Variants in EEPD1 observed in about 807,000 individuals in gnomAD.
The protein encoded by EEPD1 is endonuclease/exonuclease/phosphatase family domain-containing protein 1.
Under a neutral mutation model 46.3 loss-of-function variants are expected in EEPD1, and 17 were observed. The observed-to-expected ratio is 0.37, with a 90% CI of 0.25 to 0.55. EEPD1 has a LOEUF of 0.55. Ranked by LOEUF, EEPD1 falls within the 20% of genes least tolerant of loss-of-function variation. The pLI is 0.83. For missense variants in EEPD1, 673 were observed against 745.6 expected, an observed-to-expected ratio of 0.90 and a Z score of 1.13; for synonymous variants, 313 against 315.6, an observed-to-expected ratio of 0.99 and a Z score of 0.09.
chr7:36,252,399 T>C (rs1786763463), intron 3 of EEPD1, among the ~76,000 whole-genome samples: 1 of 152,210 alleles, frequency 6.6e-6, no homozygotes, highest in Non-Finnish European at 1.5e-5. Context: ...AGAGTTTTGC[T>C]GGCCTGTCAT....
chr7:36,218,566 A>T (rs1786075024), intron 2 of EEPD1, among the ~76,000 whole-genome samples: 1 of 152,176 alleles, frequency 6.6e-6, no homozygotes, highest in Non-Finnish European at 1.5e-5. Flanking sequence ...GCAGATGAAG[A>T]CGCTGAGCAA....
At chr7:36,188,100 C>T (rs1311832084) in intron 2 of EEPD1, among the ~76,000 whole-genome samples, 1 of 152,078 alleles carries the variant, frequency 6.6e-6, no homozygotes, top group African/African-American at 2.4e-5. Flanking sequence ...CTGGCCTGTG[C>T]TGGTATTTTT....
Position 36,223,153 on chromosome 7 carries a change from A to AAAATAAATAAAT in EEPD1, c.879-15816_879-15805dup, listed in dbSNP as rs142182000. ...GCGACAGAGTGAGACTGTGTCTCAA[A>AAAATAAATAAAT]AAATAAATAAATAAATAAATAAATA... On this transcript the variant is annotated intron_variant, in intron 2 of 7. Coordinates refer to ENST00000242108, the MANE Select transcript of EEPD1 (RefSeq NM_030636.3). Among the ~76,000 whole-genome samples, 283 of 150,500 alleles carry AAAATAAATAAAT rather than the reference A, an allele frequency of 1.9e-3. 1 individual carries two copies. Among genetic ancestry groups the AAAATAAATAAAT allele is most frequent in the East Asian group, 0.01 (52 of 5,116 alleles).
At chr7:36,261,582 G>A (rs968594193) in intron 3 of EEPD1, among the ~76,000 whole-genome samples, 6 of 152,144 alleles carry the variant, frequency 3.9e-5, no homozygotes, top group African/African-American at 1.4e-4. Flanking sequence ...TTGGTGCTGA[G>A]AGAACTTTCA....
chr7:36,187,351 T>G (rs1252430022), intron 2 of EEPD1, among the ~76,000 whole-genome samples: 1 of 152,210 alleles, frequency 6.6e-6, no homozygotes, highest in Non-Finnish European at 1.5e-5. Context: ...TCTCCAGAAC[T>G]CTTTTCATCT....
intron 2 of EEPD1, among the ~76,000 whole-genome samples, chr7:36,197,910 TA>T (rs1054391260): frequency 1.3e-4 from 20 of 149,958 alleles, no homozygotes; most frequent in South Asian, 4.2e-4. Flanking sequence ...AATAAAAAAA[TA>T]AAAAAAAATA....
intron 2 of EEPD1, among the ~76,000 whole-genome samples, chr7:36,188,582 C>T (rs1674812554): frequency 1.3e-5 from 2 of 152,128 alleles, no homozygotes; most frequent in South Asian, 2.1e-4. Context: ...GAAGCGGGCG[C>T]AGGGTGGGGG....
At chr7:36,176,611 A>G (rs1785184861) in intron 2 of EEPD1, among the ~76,000 whole-genome samples, 1 of 152,210 alleles carries the variant, frequency 6.6e-6, no homozygotes, top group South Asian at 2.1e-4. Flanking sequence ...ATTTTTTCTT[A>G]GTAATGACTC....
chr7:36,269,637 C>T (rs1403055028), intron 3 of EEPD1, among the ~76,000 whole-genome samples: 4 of 152,016 alleles, frequency 2.6e-5, no homozygotes, highest in East Asian at 1.9e-4. Flanking sequence ...GGCTCACGCC[C>T]GGAATCCCAG....
intron 2 of EEPD1, chr7:36,229,244 GTATTA>G (rs2115761736): frequency 6.6e-6 from 1 of 152,336 alleles, no homozygotes; most frequent in South Asian, 2.1e-4. Context: ...GGGTGTGGAA[GTATTA>G]TATTATAAAA....
rs554647485 is a variant in EEPD1, at chr7:36,284,715, C to T, written c.1071C>T (p.Asp357=). Residue 357 remains aspartate (D), a synonymous_variant, in exon 5 of 8, where the codon GAC becomes GAT. Coordinates refer to ENST00000242108, the MANE Select transcript of EEPD1 (RefSeq NM_030636.3). ...KGAGYAGFLW[D]AAAGMELRDA... ...CTGGGTATGCAGGATTCCTATGGGA[C>T]GCGGCTGCCGGCATGGAGCTGAGAG... 11 of 1,611,830 alleles carry T rather than the reference C, an allele frequency of 6.8e-6. No homozygotes were observed. In the Admixed American group the frequency reaches 1.0e-4, roughly 15 times the overall value.
At chr7:36,217,027 G>T (rs1786040455) in intron 2 of EEPD1, among the ~76,000 whole-genome samples, 1 of 152,218 alleles carries the variant, frequency 6.6e-6, no homozygotes, top group Non-Finnish European at 1.5e-5. Context: ...GTGGAAAGGG[G>T]TCCCAATCCA....
rs200220937 is a variant in EEPD1, at chr7:36,292,374, G to C, written c.1315+4597G>C. On this transcript the variant is annotated intron_variant, in intron 6 of 7. Coordinates refer to ENST00000242108, the MANE Select transcript of EEPD1 (RefSeq NM_030636.3). ...TTTCTTTTTTCTTTTCTTTTCTTTT[G>C]TTTTGTTTTCTTTTCTTTTCTTTCT... Among the ~76,000 whole-genome samples the C allele has an allele frequency of 9.6e-4, 119 of 123,734 alleles. 1 individual carries two copies. Among genetic ancestry groups the C allele is most frequent in the African/African-American group, 2.0e-3 (68 of 34,412 alleles). 81.2% of individuals were successfully genotyped at this position (123,734 alleles called of 152,430 possible). A position where few individuals can be genotyped will look rare whatever the true frequency, so the allele number is the denominator to read the frequency against.
At chr7:36,163,745 G>T (rs1413766151) in intron 2 of EEPD1, among the ~76,000 whole-genome samples, 1 of 152,120 alleles carries the variant, frequency 6.6e-6, no homozygotes, top group African/African-American at 2.4e-5. Context: ...AGGCGTGGTG[G>T]CGGGCACCTG....
chr7:36,240,785 T>C (rs994941722), intron 3 of EEPD1, among the ~76,000 whole-genome samples: 4 of 151,996 alleles, frequency 2.6e-5, no homozygotes, highest in Non-Finnish European at 4.4e-5. Context: ...TGGAAGAAAA[T>C]TTTTCCGCAG....
intron 2 of EEPD1, among the ~76,000 whole-genome samples, chr7:36,222,783 G>A (rs940141755): frequency 1.5e-4 from 23 of 152,260 alleles, no homozygotes; most frequent in Admixed American, 1.2e-3. Flanking sequence ...CTCTCTTCGT[G>A]CCTCTTTTAT....
intron 2 of EEPD1, among the ~76,000 whole-genome samples, chr7:36,202,358 T>C (rs1352324268): frequency 1.3e-5 from 2 of 152,124 alleles, no homozygotes; most frequent in Non-Finnish European, 2.9e-5. Context: ...CTGGCCAGGA[T>C]CTTGCCTGGG....
At chr7:36,158,309 C>T (rs1034807893) in intron 2 of EEPD1, among the ~76,000 whole-genome samples, 2 of 140,426 alleles carry the variant, frequency 1.4e-5, no homozygotes, top group African/African-American at 5.7e-5. Flanking sequence ...AGACACCCAT[C>T]CTCTCCCTCA....
chr7:36,153,416 G>C lies in EEPD1; in HGVS notation c.-451G>C, dbSNP rs11537599. The C allele has an allele frequency of 3.3e-5, 5 of 152,012 alleles. No individual in the cohort carries two copies. The highest frequency in any genetic ancestry group is 9.7e-5 in the African/African-American group (4 of 41,396). 9.4% of individuals were successfully genotyped at this position (152,012 alleles called of 1,614,324 possible). ...AGCCCCGGTGCAGCCTCGGCGGCGG[G>C]TTTCGCCGCCGCTGCCGCCGCCTCC... On this transcript the variant is annotated 5_prime_UTR_variant, in exon 1 of 8. Transcript: ENST00000242108.
Sources: gnomAD v4.1 joint callset for allele counts (sites outside exome capture counted in the v4.1 genomes callset) on GRCh38, gnomAD v4.1.1 for gene constraint, MANE v1.5 for transcripts, NCBI Gene and HGNC (gene_info 2026-07-23, HGNC 2026-07-21) for gene names.